Variants in ATL3 observed in about 807,000 individuals in gnomAD.
The protein encoded by ATL3 is atlastin-3.
ATL3 carries 49 observed loss-of-function variants against 69.5 expected under a neutral mutation model. That is an observed-to-expected ratio of 0.71 (90% CI 0.56 to 0.89). ATL3 has a LOEUF of 0.89. Ranked by LOEUF, ATL3 falls within the 40% of genes least tolerant of loss-of-function variation. ATL3 has a pLI of 0.00. For missense variants in ATL3, 606 were observed against 645.7 expected (o/e 0.94, Z 0.67); for synonymous variants, 214 against 224.1 (o/e 0.95, Z 0.40).
At chr11:63,669,978 C>A (rs1326051028) in intron 1 of ATL3, among the ~76,000 whole-genome samples, 1 of 151,834 alleles carries the variant, frequency 6.6e-6, no homozygotes, top group Non-Finnish European at 1.5e-5. Context: ...TGGTGGAGAG[C>A]GCCTGTAATC....
chr11:63,641,394 T>C (rs1443268432), intron 8 of ATL3, among the ~76,000 whole-genome samples: 1 of 152,030 alleles, frequency 6.6e-6, no homozygotes, highest in African/African-American at 2.4e-5. Context: ...CTTCAGAAAA[T>C]CTTATTTGGA....
intron 11 of ATL3, 182 bp downstream of exon 11, chr11:63,632,843 AG>A (rs201118862): frequency 3.5e-5 from 27 of 766,248 alleles, no homozygotes; most frequent in Admixed American, 1.1e-4. Flanking sequence ...AAACAAAACA[AG>A]AACAAACAAA....
At chr11:63,667,118 G>T (rs1375593539) in intron 1 of ATL3, among the ~76,000 whole-genome samples, 1 of 152,088 alleles carries the variant, frequency 6.6e-6, no homozygotes, top group Admixed American at 6.6e-5. Context: ...ATGCTACCAT[G>T]CCCATTAGTT....
chr11:63,630,728 G>A (rs1287006841), intron 12 of ATL3, among the ~76,000 whole-genome samples: 1 of 148,430 alleles, frequency 6.7e-6, no homozygotes, highest in African/African-American at 2.5e-5. Flanking sequence ...CCTGGGAGGC[G>A]GAGGTTGCAG....
At chr11:63,669,242 C>G (rs1940694178) in intron 1 of ATL3, among the ~76,000 whole-genome samples, 1 of 152,046 alleles carries the variant, frequency 6.6e-6, no homozygotes, top group Admixed American at 6.6e-5. Flanking sequence ...AATCGAAATA[C>G]CACGCAACTG....
chr11:63,652,568 A>C lies in ATL3; in HGVS notation c.413T>G (p.Val138Gly), dbSNP rs914681641. 1.2e-6 allele frequency: 2 copies of C among 1,606,900 alleles called. No individual in the cohort carries two copies. The highest frequency in any genetic ancestry group is 1.7e-6 in the Non-Finnish European group (2 of 1,176,128). ...TGCCCCCTGGGTATCCATCAGAACA[A>C]CTGCAACCTAAAAAAAAGGAAAATA... ...VEKPGGKKVAVVLMDTQGAFD... is the reference protein window; with the variant it reads ...VEKPGGKKVAGVLMDTQGAFD... Residue 138 changes from valine to glycine, a missense_variant, in exon 4 of 13, where the codon GTT becomes GGT. Transcript: ENST00000398868.
chr11:63,669,694 G>A (rs1940712831), intron 1 of ATL3, among the ~76,000 whole-genome samples: 1 of 151,916 alleles, frequency 6.6e-6, no homozygotes, highest in Non-Finnish European at 1.5e-5. Context: ...TGTAATCCCA[G>A]TACTTGGGAG....
At chr11:63,644,381 CCT>C in intron 6 of ATL3, 120 bp from the exon 7 acceptor site, 1 of 478,264 alleles carries the variant, frequency 2.1e-6, no homozygotes, top group African/African-American at 2.3e-5. Flanking sequence ...GAAGGATTTA[CCT>C]TTTTTTTTTT....
At chr11:63,630,281 T>C (rs1939265016) in intron 12 of ATL3, among the ~76,000 whole-genome samples, 1 of 149,764 alleles carries the variant, frequency 6.7e-6, no homozygotes, top group Non-Finnish European at 1.5e-5. Context: ...AGAAATTAAC[T>C]GGGCATGGTG....
chr11:63,671,322 T>C lies in ATL3; in HGVS notation c.14A>G (p.Gln5Arg), dbSNP rs749897277. The change falls in exon 1 of 13, where the codon CAG becomes CGG. Residue 5 changes from glutamine (Q) to arginine (R), a missense_variant. Coordinates refer to ENST00000398868, the MANE Select transcript of ATL3 (RefSeq NM_015459.5). MLSP[Q>R]RVAAAASRGA... ...TCTTGAGGCAGCTGCTGCCACTCGCTGAGGGGACAACATGGAGCCTCCGCC... is the reference window on the plus strand; with the variant it reads ...TCTTGAGGCAGCTGCTGCCACTCGCCGAGGGGACAACATGGAGCCTCCGCC... The C allele has an allele frequency of 2.3e-5, 37 of 1,587,830 alleles. No homozygotes were observed. The Middle Eastern group carries it at 6.8e-4, about 29-fold the overall frequency.
At position 63,655,558 on chromosome 11, in the gene ATL3, C is replaced by T. The variant is rs140787015; in HGVS notation, c.406-2983G>A. ...CACCTCCCGGGTTCCAGCGATTCTC[C>T]CACCTCAGCCTCCCAAGTAGCTGGG... On this transcript the variant is annotated intron_variant, in intron 3 of 12. Coordinates refer to ENST00000398868, the MANE Select transcript of ATL3 (RefSeq NM_015459.5). Among the ~76,000 whole-genome samples, 409 of 151,976 alleles carry T rather than the reference C, an allele frequency of 2.7e-3. 4 individuals are homozygous for T. The highest frequency in any genetic ancestry group is 8.7e-3 in the African/African-American group (359 of 41,448).
rs1314850599 is a variant in ATL3, at chr11:63,640,482, G to GA, written c.850+2874dup. Among the ~76,000 whole-genome samples the GA allele has an allele frequency of 1.1e-4, 16 of 151,208 alleles. No homozygotes were observed. The East Asian group carries it at 2.7e-3, about 26-fold the overall frequency. ...TTTTTTTTTTTTTAGCGATGGGGGG[G>GA]ATCTCCCTATGTTGCCGAGGCTGAG... is the stretch of plus-strand genomic sequence containing the variant. On this transcript the variant is annotated intron_variant, in intron 8 of 12. Transcript: ENST00000398868.
At chr11:63,640,139 G>A (rs1939647263) in intron 8 of ATL3, among the ~76,000 whole-genome samples, 1 of 152,110 alleles carries the variant, frequency 6.6e-6, no homozygotes, top group African/African-American at 2.4e-5. Flanking sequence ...TGTTGGTCAG[G>A]CTGGTCTGGA....
intron 5 of ATL3, 90 bp from the exon 6 acceptor site, chr11:63,646,653 T>C (rs1010648873): frequency 8.9e-6 from 7 of 785,804 alleles, no homozygotes; most frequent in Non-Finnish European, 1.4e-5. Flanking sequence ...ATATTTATAC[T>C]GATACCAGAC....
At chr11:63,654,208 G>A (rs1412478879) in intron 3 of ATL3, among the ~76,000 whole-genome samples, 6 of 150,426 alleles carry the variant, frequency 4.0e-5, no homozygotes, top group African/African-American at 7.3e-5. Flanking sequence ...GTGCAGTGGC[G>A]CGATCTCGGC....
At chr11:63,636,940 G>A (rs1289324075) in intron 8 of ATL3, among the ~76,000 whole-genome samples, 1 of 151,904 alleles carries the variant, frequency 6.6e-6, no homozygotes, top group African/African-American at 2.4e-5. Flanking sequence ...TTTCATTCTG[G>A]GATATCTGGT....
chr11:63,646,559 A>C lies in ATL3; in HGVS notation c.566T>G (p.Phe189Cys). 1 of 1,601,920 alleles carries C rather than the reference A, an allele frequency of 6.2e-7. No individual in the cohort carries two copies. Among genetic ancestry groups the C allele is most frequent in the East Asian group, 2.2e-5 (1 of 44,732 alleles). ...QEDDLQQLQL[F>C]TEYGRLAMDE... is the part of the protein sequence containing the mutation. ...CATTGCCAGACGACCGTATTCTGTG[A>C]AGAGCTTTAAAAAAGAAGCATTATG... The change falls in exon 6 of 13, where the codon TTC (phenylalanine) becomes TGC (cysteine). Residue 189 changes from phenylalanine (F) to cysteine (C), a missense_variant. Transcript: ENST00000398868.
chr11:63,658,778 TCTC>T lies in ATL3; in HGVS notation c.385_387del (p.Glu129del), dbSNP rs759201371. ...ATCCTTACCTTCTTCCCACCTGGCT[TCTC>T]CACAGTGAAAACTTCACTCCAGATT... is the stretch of plus-strand genomic sequence containing the variant. On this transcript the variant is annotated inframe_deletion, in exon 3 of 13. Transcript: ENST00000398868. 43 of 1,604,270 alleles carry T rather than the reference TCTC, an allele frequency of 2.7e-5. No homozygotes were observed. The highest frequency in any genetic ancestry group is 3.6e-5 in the Non-Finnish European group (42 of 1,177,318).
At chr11:63,630,546 C>T (rs1303314571) in intron 12 of ATL3, among the ~76,000 whole-genome samples, 1 of 151,718 alleles carries the variant, frequency 6.6e-6, no homozygotes, top group Non-Finnish European at 1.5e-5. Flanking sequence ...ACCTGTAATC[C>T]CAGCACTTTG....
Sources: gnomAD v4.1 joint callset for allele counts (sites outside exome capture counted in the v4.1 genomes callset) on GRCh38, gnomAD v4.1.1 for gene constraint, MANE v1.5 for transcripts, NCBI Gene and HGNC (gene_info 2026-07-23, HGNC 2026-07-21) for gene names.